Variants in CSGALNACT1 observed in about 807,000 individuals in gnomAD.
CSGALNACT1 encodes the protein chondroitin sulfate N-acetylgalactosaminyltransferase 1, also known as beta4GalNAcT-1.
In CSGALNACT1, 52 loss-of-function variants were observed where a neutral mutation model predicts 51.0. The ratio of observed to expected loss-of-function variants is 1.02; its 90% confidence interval spans 0.82 to 1.29. The LOEUF is 1.29. Among genes scored for constraint, CSGALNACT1 ranks in the 50% most tolerant of loss-of-function variants. CSGALNACT1 has a pLI of 0.00. For synonymous variants in CSGALNACT1, 341 were observed against 254.4 expected (o/e 1.34, Z -3.24); for missense variants, 935 against 679.2 (o/e 1.38, Z -4.19).
chr8:19,521,061 G>C (rs2080576938), intron 3 of CSGALNACT1, among the ~76,000 whole-genome samples: 2 of 152,142 alleles, frequency 1.3e-5, no homozygotes, highest in African/African-American at 4.8e-5. Flanking sequence ...AGGGCAAAAG[G>C]GAGGTGTGCG....
intron 1 of CSGALNACT1, among the ~76,000 whole-genome samples, chr8:19,651,907 C>T (rs558061513): frequency 3.7e-5 from 5 of 134,834 alleles, no homozygotes; most frequent in African/African-American, 1.4e-4. Flanking sequence ...TCTACAACCT[C>T]GCTGTCTGTT....
intron 8 of CSGALNACT1, among the ~76,000 whole-genome samples, chr8:19,415,166 C>G (rs2056624643): frequency 1.3e-5 from 2 of 152,116 alleles, no homozygotes; most frequent in Non-Finnish European, 2.9e-5. Flanking sequence ...GCCAGTTCAC[C>G]TCTATAAAAA....
intron 3 of CSGALNACT1, among the ~76,000 whole-genome samples, chr8:19,556,838 G>C (rs933728450): frequency 1.3e-5 from 2 of 152,042 alleles, no homozygotes; most frequent in Admixed American, 1.3e-4. Context: ...ACAACAGGAT[G>C]AAGTTTCCAG....
At chr8:19,667,557 T>C (rs2059479590) in intron 1 of CSGALNACT1, among the ~76,000 whole-genome samples, 2 of 152,172 alleles carry the variant, frequency 1.3e-5, no homozygotes, top group Non-Finnish European at 2.9e-5. Flanking sequence ...GTCAGTCGTG[T>C]TCCACCCCCT....
chr8:19,460,238 T>C (rs895626140), intron 4 of CSGALNACT1, among the ~76,000 whole-genome samples: 1 of 152,032 alleles, frequency 6.6e-6, no homozygotes, highest in African/African-American at 2.4e-5. Context: ...CTTTTGAGAG[T>C]GAGAGAGAAT....
At chr8:19,446,475 G>C (rs1175965238) in intron 5 of CSGALNACT1, among the ~76,000 whole-genome samples, 1 of 152,044 alleles carries the variant, frequency 6.6e-6, no homozygotes, top group Non-Finnish European at 1.5e-5. Flanking sequence ...TCATTCTTCT[G>C]CCTGAACCTG....
chr8:19,450,541 G>A (rs2062994363), intron 5 of CSGALNACT1, among the ~76,000 whole-genome samples: 2 of 152,148 alleles, frequency 1.3e-5, no homozygotes, highest in Admixed American at 6.5e-5. Flanking sequence ...CATCAGCCAG[G>A]ACAATGACAG....
intron 1 of CSGALNACT1, among the ~76,000 whole-genome samples, chr8:19,724,917 G>A (rs749271744): frequency 6.6e-6 from 1 of 152,138 alleles, no homozygotes; most frequent in Non-Finnish European, 1.5e-5. Context: ...GGTGATGGAT[G>A]ACTATCCACC....
chr8:19,451,951 G>A (rs577685302), intron 5 of CSGALNACT1, among the ~76,000 whole-genome samples: 2 of 152,264 alleles, frequency 1.3e-5, no homozygotes, highest in Admixed American at 6.5e-5. Context: ...AGCAAAGGGT[G>A]TTGATATTTT....
chr8:19,659,674 AAT>A (rs1407146134), intron 1 of CSGALNACT1, among the ~76,000 whole-genome samples: 43 of 152,346 alleles, frequency 2.8e-4, no homozygotes, highest in African/African-American at 1.0e-3. Context: ...ATGAGTATAG[AAT>A]ACACATCCCA....
chr8:19,741,561 A>C lies in CSGALNACT1; in HGVS notation c.-297+16289T>G, dbSNP rs113194207. On this transcript the variant is annotated intron_variant, in intron 1 of 1. Coordinates refer to the CSGALNACT1 transcript ENST00000517494. ...CTGGGCGAAAGAGTGAGACTCCATC[A>C]AAAAAAAAAAAAAAAAAAGGGAGTC... Among the ~76,000 whole-genome samples, 4 of 3,794 alleles carry C rather than the reference A, an allele frequency of 1.1e-3. No individual in the cohort carries two copies. The African/African-American group carries it at 0.012, about 12-fold the overall frequency. 2.5% of individuals were successfully genotyped at this position (3,794 alleles called of 152,430 possible).
At chr8:19,485,252 C>T (rs938917279) in intron 4 of CSGALNACT1, among the ~76,000 whole-genome samples, 1 of 152,204 alleles carries the variant, frequency 6.6e-6, no homozygotes, top group Non-Finnish European at 1.5e-5. Flanking sequence ...GTGTGTTCGG[C>T]ACAGGCTGAA....
Position 19,753,219 on chromosome 8 carries a change from G to A in CSGALNACT1, c.-297+4631C>T, listed in dbSNP as rs374284334. On this transcript the variant is annotated intron_variant, in intron 1 of 1. Coordinates refer to the CSGALNACT1 transcript ENST00000517494. ...GGATCTCTATAACCTTTTCATGTGC[G>A]CAGAATCCTAAAAGTAATCCAAAAC... is the stretch of plus-strand genomic sequence containing the variant. Among the ~76,000 whole-genome samples the A allele has an allele frequency of 1.2e-3, 188 of 152,230 alleles. 1 individual carries two copies. The highest frequency in any genetic ancestry group is 4.1e-3 in the African/African-American group (172 of 41,534).
intron 1 of CSGALNACT1, among the ~76,000 whole-genome samples, chr8:19,614,057 C>A (rs7828030): frequency 0.19 from 28,665 of 152,102 alleles, 4,186 homozygotes; most frequent in African/African-American, 0.41. Context: ...GATCCCAAAG[C>A]CTTTAATCTA....
At position 19,478,139 on chromosome 8, in the gene CSGALNACT1, GTGCGGT is replaced by G. The variant is rs1048430162; in HGVS notation, c.635-19503_635-19498del. Among the ~76,000 whole-genome samples, 7 of 54,816 alleles carry G rather than the reference GTGCGGT, an allele frequency of 1.3e-4. No homozygotes were observed. The South Asian group carries it at 5.3e-3, about 42-fold the overall frequency. 36.0% of individuals were successfully genotyped at this position (54,816 alleles called of 152,430 possible). A position where few individuals can be genotyped will look rare whatever the true frequency, so the allele number is the denominator to read the frequency against. ...TTAAAAATACTCATGTCTGGGCCGG[GTGCGGT>G]GGCTCACGCCTGTAATCTCAGCACT... On this transcript the variant is annotated intron_variant, in intron 4 of 9. Coordinates refer to ENST00000454498, the Ensembl canonical transcript of CSGALNACT1.
intron 1 of CSGALNACT1, among the ~76,000 whole-genome samples, chr8:19,697,623 C>T (rs1009005233): frequency 2.0e-5 from 3 of 152,066 alleles, no homozygotes; most frequent in Non-Finnish European, 4.4e-5. Flanking sequence ...TAGCCCAGAG[C>T]CCCCCTGTAC....
At chr8:19,562,044 C>G (rs773437990) in intron 3 of CSGALNACT1, among the ~76,000 whole-genome samples, 2 of 152,194 alleles carry the variant, frequency 1.3e-5, no homozygotes, top group African/African-American at 2.4e-5. Flanking sequence ...TCCTACCAAG[C>G]CTGCACTGAG....
intron 3 of CSGALNACT1, among the ~76,000 whole-genome samples, chr8:19,524,755 T>C (rs898227408): frequency 8.5e-5 from 13 of 152,296 alleles, no homozygotes; most frequent in East Asian, 1.9e-4. Context: ...ACTGGGACCA[T>C]TGATTGCCTA....
upstream of CSGALNACT1, among the ~76,000 whole-genome samples, chr8:19,606,973 G>A (rs1588988273): frequency 6.6e-6 from 1 of 152,026 alleles, no homozygotes. Context: ...GGCTAATACG[G>A]GGAAACCCTG....
Sources: allele counts gnomAD v4.1 joint callset (sites outside exome capture counted in the v4.1 genomes callset), GRCh38; gene constraint gnomAD v4.1.1; transcripts MANE v1.5; gene names NCBI Gene and HGNC (gene_info 2026-07-23, HGNC 2026-07-21).